SLC7A1: variants seen among roughly 807,000 people sequenced by gnomAD.
SLC7A1 encodes solute carrier family 7 member 1, also known as high affinity cationic amino acid transporter 1.
A neutral mutation model predicts 53.9 loss-of-function variants in SLC7A1; 10 were observed. The ratio of observed to expected loss-of-function variants is 0.19; its 90% CI spans 0.11 to 0.31. SLC7A1 has a LOEUF of 0.31. SLC7A1 is among the 10% of genes least tolerant of loss of function. SLC7A1 has a pLI of 1.00. For synonymous variants in SLC7A1, 342 were observed against 338.7 expected (o/e 1.01, Z -0.11); for missense variants, 525 against 827.2 (o/e 0.63, Z 4.48).
chr13:29,522,304 T>C lies in SLC7A1; in HGVS notation c.1189+13A>G, dbSNP rs571713033. On this transcript the variant is annotated intron_variant, in intron 8 of 12. Transcript: ENST00000380752. ...TTAAAACATTTCCATGTGAAATGAGTTCTAGTACTCACCAGCAACGGCACC... is the reference window on the plus strand; with the variant it reads ...TTAAAACATTTCCATGTGAAATGAGCTCTAGTACTCACCAGCAACGGCACC... The C allele has an allele frequency of 6.2e-7, 1 of 1,613,938 alleles. No individual in the cohort carries two copies. Among genetic ancestry groups the C allele is most frequent in the East Asian group, 2.2e-5 (1 of 44,868 alleles).
rs1430353260 is a variant in SLC7A1, at chr13:29,514,602, G to C, written c.1787-19C>G. 4.4e-6 allele frequency: 7 copies of C among 1,582,680 alleles called. No homozygotes were observed. The highest frequency in any genetic ancestry group is 6.0e-6 in the Non-Finnish European group (7 of 1,163,804). On this transcript the variant is annotated intron_variant, in intron 12 of 12. Transcript: ENST00000380752. Reference sequence around the variant, plus strand: ...ATGAAGCCTGCGGGCCGACAGCAGAGACGGGCGTGAACAGACCGCCGGTTG... The same window carrying C: ...ATGAAGCCTGCGGGCCGACAGCAGACACGGGCGTGAACAGACCGCCGGTTG...
chr13:29,529,422 G>T (rs1869050155), intron 5 of SLC7A1, among the ~76,000 whole-genome samples: 1 of 152,160 alleles, frequency 6.6e-6, no homozygotes, highest in Non-Finnish European at 1.5e-5. Context: ...AGCTCTATGT[G>T]GCCCCCAGTG....
At position 29,514,264 on chromosome 13, in the gene SLC7A1, G is replaced by A. The variant is rs1032082324; in HGVS notation, c.*216C>T. 115 of 564,848 alleles carry A rather than the reference G, an allele frequency of 2.0e-4. No individual in the cohort carries two copies. Among genetic ancestry groups the A allele is most frequent in the African/African-American group, 6.2e-4 (33 of 53,232 alleles). 35.0% of individuals were successfully genotyped at this position (564,848 alleles called of 1,614,324 possible). A position where few individuals can be genotyped will look rare whatever the true frequency, so the allele number is the denominator to read the frequency against. On this transcript the variant is annotated 3_prime_UTR_variant, in exon 13 of 13. Coordinates refer to ENST00000380752, the MANE Select transcript of SLC7A1 (RefSeq NM_003045.5). ...TGGCCAGCCGCAGCCTAGTGGCCCC[G>A]GCCAGGCAGCTGTCTGGAGGTGACC...
At chr13:29,543,387 G>C (rs1262148736) in intron 2 of SLC7A1, among the ~76,000 whole-genome samples, 1 of 152,210 alleles carries the variant, frequency 6.6e-6, no homozygotes, top group Non-Finnish European at 1.5e-5. Flanking sequence ...GCACAAGGGG[G>C]CCCAAGGGCC....
At chr13:29,566,134 A>G (rs1055537714) in intron 1 of SLC7A1, among the ~76,000 whole-genome samples, 2 of 152,268 alleles carry the variant, frequency 1.3e-5, no homozygotes, top group African/African-American at 2.4e-5. Flanking sequence ...CTGCACACTT[A>G]AAAATGGCTA....
Position 29,588,787 on chromosome 13 carries a change from G to A in SLC7A1, c.-115+6629C>T, listed in dbSNP as rs558077982. On this transcript the variant is annotated intron_variant, in intron 1 of 12. Transcript: ENST00000380752. ...CCCAAAGTGCTGGGATTACAGGCGT[G>A]AGCCACCATGCCTGGCCTCTGCAAC... is the stretch of plus-strand genomic sequence containing the variant. Among the ~76,000 whole-genome samples the A allele has an allele frequency of 5.3e-5, 8 of 152,266 alleles. No homozygotes were observed. In the East Asian group the frequency reaches 1.4e-3, roughly 26 times the overall value.
intron 1 of SLC7A1, among the ~76,000 whole-genome samples, chr13:29,576,678 C>G (rs146146269): frequency 6.6e-6 from 1 of 152,142 alleles, no homozygotes; most frequent in East Asian, 1.9e-4. Flanking sequence ...ACAACAGATG[C>G]ACCATCTCTA....
At chr13:29,540,243 G>A (rs115319386) in intron 2 of SLC7A1, among the ~76,000 whole-genome samples, 10 of 152,278 alleles carry the variant, frequency 6.6e-5, no homozygotes, top group African/African-American at 2.4e-4. Context: ...AAATTAGGTG[G>A]GGAGGAATTT....
chr13:29,521,470 C>T (rs1180626449), intron 8 of SLC7A1, among the ~76,000 whole-genome samples: 12 of 152,194 alleles, frequency 7.9e-5, no homozygotes, highest in Non-Finnish European at 1.5e-4. Flanking sequence ...ATCACAAGGC[C>T]GCTCCACCGC....
chr13:29,517,300 G>A lies in SLC7A1; in HGVS notation c.1521C>T (p.Ile507=), dbSNP rs149857696. ...NISTSLIAVL[I]ITFCIVTVLG... ...GCACGGTCACAATGCAGAAGGTGAT[G>A]ATGAGAACAGCTAAGGGGGAAGGAA... is the stretch of plus-strand genomic sequence containing the variant. The change falls in exon 11 of 13, where the codon ATC becomes ATT. Residue 507 remains isoleucine, a synonymous_variant. Transcript: ENST00000380752. The A allele has an allele frequency of 4.6e-4, 747 of 1,610,778 alleles. 5 individuals are homozygous for A. In the African/African-American group the frequency reaches 8.5e-3, roughly 18 times the overall value.
At chr13:29,572,991 G>T (rs558779670) in intron 1 of SLC7A1, among the ~76,000 whole-genome samples, 4 of 152,302 alleles carry the variant, frequency 2.6e-5, no homozygotes, top group African/African-American at 9.6e-5. Context: ...CAGACAAGTG[G>T]CTGGTAAATA....
chr13:29,520,320 T>C (rs893471892), intron 8 of SLC7A1, among the ~76,000 whole-genome samples: 1 of 151,702 alleles, frequency 6.6e-6, no homozygotes, highest in Non-Finnish European at 1.5e-5. Context: ...CAGGCATTAG[T>C]GGACAACAGT....
chr13:29,516,555 G>A (rs775711963), intron 11 of SLC7A1, among the ~76,000 whole-genome samples: 22 of 152,174 alleles, frequency 1.4e-4, no homozygotes, highest in African/African-American at 4.6e-4. Context: ...ACTAGAAGAC[G>A]GACCTCCACT....
At position 29,509,759 on chromosome 13, in the gene SLC7A1, A is replaced by T. The variant is rs1883339895; in HGVS notation, c.*4721T>A. The stretch of plus-strand genomic sequence containing the variant: ...AATATACAAATGTACATAATAAAAA[A>T]CACACAACTCTTAATAATGGCTCCA... On this transcript the variant is annotated 3_prime_UTR_variant, in exon 13 of 13. Transcript: ENST00000380752. 1 of 152,522 alleles carries T rather than the reference A, an allele frequency of 6.6e-6. No individual in the cohort carries two copies. The highest frequency in any genetic ancestry group is 6.5e-5 in the Admixed American group (1 of 15,284). The allele number at this position is 152,522 out of a possible 1,614,324, so 9.4% of individuals were successfully genotyped here. A position where few individuals can be genotyped will look rare whatever the true frequency, so the allele number is the denominator to read the frequency against.
chr13:29,557,800 GA>G (rs1167494405), intron 1 of SLC7A1, among the ~76,000 whole-genome samples: 2 of 61,428 alleles, frequency 3.3e-5, no homozygotes, highest in South Asian at 1.5e-3. Flanking sequence ...GAATGAGGGG[GA>G]AAGTGAATGT....
At chr13:29,515,775 TCCAC>T (rs1221205860) in intron 12 of SLC7A1, among the ~76,000 whole-genome samples, 1 of 152,194 alleles carries the variant, frequency 6.6e-6, no homozygotes, top group Non-Finnish European at 1.5e-5. Context: ...GCCCATGACA[TCCAC>T]CCTGCCTGGG....
intron 6 of SLC7A1, among the ~76,000 whole-genome samples, 179 bp downstream of exon 6, chr13:29,523,953 T>C (rs970041461): frequency 6.6e-6 from 1 of 152,008 alleles, no homozygotes; most frequent in Non-Finnish European, 1.5e-5. Flanking sequence ...GTGTTGACAG[T>C]TGGGGATGTG....
At chr13:29,551,003 T>G (rs1870155646) in intron 2 of SLC7A1, among the ~76,000 whole-genome samples, 1 of 152,236 alleles carries the variant, frequency 6.6e-6, no homozygotes, top group Admixed American at 6.5e-5. Context: ...CTATTTCATC[T>G]TAATGGAGTC....
intron 1 of SLC7A1, among the ~76,000 whole-genome samples, chr13:29,578,421 G>A (rs1871498728): frequency 1.3e-5 from 2 of 152,104 alleles, no homozygotes; most frequent in South Asian, 2.1e-4. Context: ...ACACACATCT[G>A]CAAGTGTAGA....
Sources: gnomAD v4.1 joint callset for allele counts (sites outside exome capture counted in the v4.1 genomes callset) on GRCh38, gnomAD v4.1.1 for gene constraint, MANE v1.5 for transcripts, NCBI Gene and HGNC (gene_info 2026-07-23, HGNC 2026-07-21) for gene names.